Variants in GABRG3 observed in about 807,000 individuals in gnomAD.
GABRG3 encodes gamma-aminobutyric acid receptor subunit gamma-3.
In GABRG3, 25 loss-of-function variants were observed where a neutral mutation model predicts 48.8. That is an observed-to-expected ratio of 0.51 (90% CI 0.37 to 0.72). The LOEUF is 0.72. GABRG3 is among the 30% of genes least tolerant of loss of function. The pLI, the probability that GABRG3 is intolerant of heterozygous loss-of-function variation, is 0.00. For synonymous variants in GABRG3, 227 were observed against 217.6 expected, an observed-to-expected ratio of 1.04 and a Z score of -0.38; for missense variants, 394 against 577.9, an observed-to-expected ratio of 0.68 and a Z score of 3.26.
In GABRG3 at chr15:27,024,482, T is replaced by C. The variant is rs143452865; in HGVS notation, c.203-2272T>C. ...TCCATTTTGAGTTAATGTTTGTTTA[T>C]GGCATAAGGTAAGGGTCCAACTTCA... On this transcript the variant is annotated intron_variant, in intron 2 of 9. Coordinates refer to ENST00000615808, the MANE Select transcript of GABRG3 (RefSeq NM_033223.5). 3.2e-3 allele frequency among the ~76,000 whole-genome samples: 490 copies of C among 152,316 alleles called. 3 individuals carry two copies. Among genetic ancestry groups the C allele is most frequent in the African/African-American group, 0.011 (461 of 41,572 alleles).
intron 3 of GABRG3, among the ~76,000 whole-genome samples, chr15:27,131,096 G>A (rs1435388201): frequency 6.6e-6 from 1 of 152,002 alleles, no homozygotes; most frequent in African/African-American, 2.4e-5. Context: ...GGTAAAGTGG[G>A]CATTCTTGTC....
chr15:27,075,456 A>G (rs948908475), intron 3 of GABRG3, among the ~76,000 whole-genome samples: 2 of 152,226 alleles, frequency 1.3e-5, no homozygotes, highest in African/African-American at 4.8e-5. Context: ...GGACTATGCA[A>G]TGAATAAGTT....
chr15:27,241,224 G>C (rs1198359428), intron 3 of GABRG3, among the ~76,000 whole-genome samples: 2 of 149,714 alleles, frequency 1.3e-5, no homozygotes, highest in African/African-American at 5.1e-5. Context: ...GGTCACAACA[G>C]GTCATTGGTC....
intron 3 of GABRG3, among the ~76,000 whole-genome samples, chr15:27,182,738 G>A (rs938343660): frequency 3.3e-5 from 5 of 152,142 alleles, no homozygotes; most frequent in Admixed American, 1.3e-4. Flanking sequence ...TGTGCTGTGC[G>A]CTCGCTGAAT....
At chr15:26,990,680 G>A (rs1334243660) in intron 2 of GABRG3, among the ~76,000 whole-genome samples, 1 of 151,990 alleles carries the variant, frequency 6.6e-6, no homozygotes, top group African/African-American at 2.4e-5. Flanking sequence ...CTTGCTTGTG[G>A]GCTATTACTC....
chr15:27,018,836 C>T (rs1895826290), intron 2 of GABRG3, among the ~76,000 whole-genome samples: 1 of 152,052 alleles, frequency 6.6e-6, no homozygotes, highest in South Asian at 2.1e-4. Flanking sequence ...ACCTTTTACC[C>T]AAATTCTTCC....
At chr15:27,175,028 A>C (rs1401292198) in intron 3 of GABRG3, among the ~76,000 whole-genome samples, 1 of 152,148 alleles carries the variant, frequency 6.6e-6, no homozygotes, top group East Asian at 1.9e-4. Context: ...AATCAGGACC[A>C]AGATTGGCCC....
chr15:27,020,786 C>G (rs1037356524), intron 2 of GABRG3, among the ~76,000 whole-genome samples: 5 of 152,132 alleles, frequency 3.3e-5, no homozygotes, highest in Non-Finnish European at 2.9e-5. Context: ...CGATGTCACT[C>G]TCTACTTTTT....
chr15:27,113,140 A>G (rs1192943001), intron 3 of GABRG3, among the ~76,000 whole-genome samples: 1 of 151,186 alleles, frequency 6.6e-6, no homozygotes, highest in Non-Finnish European at 1.5e-5. Context: ...CTTTCATTCT[A>G]TTTGGACTAT....
chr15:27,074,657 A>G (rs1172919372), intron 3 of GABRG3, among the ~76,000 whole-genome samples: 1 of 146,134 alleles, frequency 6.8e-6, no homozygotes, highest in Non-Finnish European at 1.5e-5. Flanking sequence ...TTTTTTTTTT[A>G]CAAGATTGAA....
intron 3 of GABRG3, among the ~76,000 whole-genome samples, chr15:27,091,526 G>T (rs1897185233): frequency 6.6e-6 from 1 of 152,186 alleles, no homozygotes; most frequent in South Asian, 2.1e-4. Flanking sequence ...GGAGGAGTTT[G>T]AGAAGGACTG....
chr15:27,251,418 C>T (rs1399177197), intron 3 of GABRG3, among the ~76,000 whole-genome samples: 2 of 152,110 alleles, frequency 1.3e-5, no homozygotes, highest in East Asian at 3.9e-4. Flanking sequence ...GCAAAGGGAG[C>T]CCAGGAAACT....
At chr15:27,471,630 T>C (rs1047431030) in intron 5 of GABRG3, among the ~76,000 whole-genome samples, 12 of 152,242 alleles carry the variant, frequency 7.9e-5, no homozygotes, top group African/African-American at 2.4e-4. Flanking sequence ...TTCCCTATCA[T>C]AATTTTCTTG....
chr15:27,279,559 A>G lies in GABRG3; in HGVS notation c.271-47250A>G, dbSNP rs144590049. 5.3e-4 allele frequency among the ~76,000 whole-genome samples: 80 copies of G among 152,326 alleles called. 2 individuals are homozygous for G. Among genetic ancestry groups the G allele is most frequent in the Admixed American group, 2.9e-3 (45 of 15,296 alleles). Reference sequence around the variant, plus strand: ...GAATTGCTTTTGCACTTTTGCTGAAAGTCAGGTGGTTATCCTTTCATGGGT... The same window carrying G: ...GAATTGCTTTTGCACTTTTGCTGAAGGTCAGGTGGTTATCCTTTCATGGGT... On this transcript the variant is annotated intron_variant, in intron 3 of 9. Coordinates refer to ENST00000615808, the MANE Select transcript of GABRG3 (RefSeq NM_033223.5).
At chr15:27,190,878 C>T (rs1276903522) in intron 3 of GABRG3, among the ~76,000 whole-genome samples, 1 of 151,912 alleles carries the variant, frequency 6.6e-6, no homozygotes, top group African/African-American at 2.4e-5. Context: ...CTGTAAATTT[C>T]CCTCTACACA....
At chr15:27,125,629 AG>A (rs1347910953) in intron 3 of GABRG3, among the ~76,000 whole-genome samples, 2 of 152,258 alleles carry the variant, frequency 1.3e-5, no homozygotes, top group African/African-American at 4.8e-5. Flanking sequence ...CCAAAGATAA[AG>A]GAAAAAATAA....
At chr15:27,184,585 T>G (rs1284296958) in intron 3 of GABRG3, among the ~76,000 whole-genome samples, 1 of 152,176 alleles carries the variant, frequency 6.6e-6, no homozygotes, top group African/African-American at 2.4e-5. Context: ...CAAACACAAA[T>G]AATGGAAGAA....
At chr15:27,008,562 A>G (rs1017441996) in intron 2 of GABRG3, among the ~76,000 whole-genome samples, 1 of 152,202 alleles carries the variant, frequency 6.6e-6, no homozygotes. Flanking sequence ...TGTGGCCTCC[A>G]TAAATAAAAC....
chr15:27,525,942 T>C (rs1318761472), intron 7 of GABRG3, among the ~76,000 whole-genome samples: 2 of 133,318 alleles, frequency 1.5e-5, no homozygotes, highest in Non-Finnish European at 1.5e-5. Context: ...ACATGTTCCA[T>C]AGAACTTAAA....
Sources: gnomAD v4.1 joint callset for allele counts (sites outside exome capture counted in the v4.1 genomes callset) on GRCh38, gnomAD v4.1.1 for gene constraint, MANE v1.5 for transcripts, NCBI Gene and HGNC (gene_info 2026-07-23, HGNC 2026-07-21) for gene names.